Variants in TRAPPC9 observed in about 807,000 individuals in gnomAD.
TRAPPC9 encodes trafficking protein particle complex subunit 9, also known as IKK2 binding protein.
A neutral mutation model predicts 124.0 loss-of-function variants in TRAPPC9; 83 were observed. The ratio of observed to expected loss-of-function variants is 0.67; its 90% CI spans 0.56 to 0.80. The LOEUF is 0.80. TRAPPC9 is among the 30% of genes least tolerant of loss of function. The pLI is 0.00. For missense variants in TRAPPC9, 1,302 were observed against 1,508.3 expected (o/e 0.86, Z 2.27); for synonymous variants, 638 against 617.5 (o/e 1.03, Z -0.49).
chr8:140,221,888 G>T (rs1587956759), intron 16 of TRAPPC9, among the ~76,000 whole-genome samples: 1 of 152,142 alleles, frequency 6.6e-6, no homozygotes, highest in African/African-American at 2.4e-5. Context: ...AGGGGATTTT[G>T]TTCAAAAACT....
chr8:139,974,770 G>A (rs1362692313), intron 19 of TRAPPC9, among the ~76,000 whole-genome samples: 1 of 152,056 alleles, frequency 6.6e-6, no homozygotes, highest in Non-Finnish European at 1.5e-5. Flanking sequence ...TTTTACAGAC[G>A]TGGACGCGAG....
intron 17 of TRAPPC9, among the ~76,000 whole-genome samples, chr8:140,131,683 C>G (rs1345361514): frequency 6.6e-6 from 1 of 152,230 alleles, no homozygotes; most frequent in Non-Finnish European, 1.5e-5. Flanking sequence ...AAGACCTGTT[C>G]TTTCACAAAG....
At chr8:139,879,638 T>TCTCCCCAGGCC (rs1829558425) in intron 21 of TRAPPC9, among the ~76,000 whole-genome samples, 1 of 152,020 alleles carries the variant, frequency 6.6e-6, no homozygotes, top group South Asian at 2.1e-4. Flanking sequence ...CCCCGCAGGC[T>TCTCCCCAGGCC]CTCCCCAGGC....
intron 17 of TRAPPC9, among the ~76,000 whole-genome samples, chr8:140,043,372 A>G (rs1841383425): frequency 6.6e-6 from 1 of 152,232 alleles, no homozygotes; most frequent in South Asian, 2.1e-4. Context: ...AAAAAAGCCC[A>G]TTATTCCCAT....
At chr8:140,276,975 C>T (rs193239500) in intron 14 of TRAPPC9, among the ~76,000 whole-genome samples, 6 of 152,200 alleles carry the variant, frequency 3.9e-5, no homozygotes, top group East Asian at 1.9e-4. Flanking sequence ...GTCAACTAAG[C>T]GGACTGTGGA....
chr8:140,335,299 G>A (rs933073342), intron 9 of TRAPPC9, among the ~76,000 whole-genome samples: 8 of 152,202 alleles, frequency 5.3e-5, no homozygotes, highest in Admixed American at 1.3e-4. Context: ...CCAAGTATAG[G>A]TGTTGAGAGT....
chr8:139,874,840 G>A (rs1044676762), intron 21 of TRAPPC9, among the ~76,000 whole-genome samples: 7 of 152,202 alleles, frequency 4.6e-5, no homozygotes, highest in Non-Finnish European at 8.8e-5. Context: ...GTGGAAGATC[G>A]CCCTGAGCGC....
chr8:140,276,569 T>G (rs1302528794), intron 14 of TRAPPC9, among the ~76,000 whole-genome samples: 2 of 152,190 alleles, frequency 1.3e-5, no homozygotes, highest in Non-Finnish European at 2.9e-5. Context: ...TTCTATTGAC[T>G]TTAACTGAAT....
intron 19 of TRAPPC9, among the ~76,000 whole-genome samples, chr8:139,924,450 T>C (rs1832687636): frequency 6.6e-6 from 1 of 152,174 alleles, no homozygotes; most frequent in Admixed American, 6.5e-5. Context: ...CCCAACTCCC[T>C]GGGCCCATGG....
At chr8:140,101,433 TTAAAA>T (rs1410215695) in intron 17 of TRAPPC9, among the ~76,000 whole-genome samples, 1 of 152,024 alleles carries the variant, frequency 6.6e-6, no homozygotes, top group African/African-American at 2.4e-5. Context: ...TGCCTGGCCA[TTAAAA>T]TAAGCATTTT....
At chr8:139,977,475 G>A (rs528638356) in intron 19 of TRAPPC9, among the ~76,000 whole-genome samples, 112 of 151,732 alleles carry the variant, frequency 7.4e-4, no homozygotes, top group African/African-American at 2.6e-3. Context: ...AAAATTAGCC[G>A]GGCGTGGTGG....
chr8:140,013,240 G>A (rs1234919359), intron 18 of TRAPPC9, among the ~76,000 whole-genome samples: 1 of 152,096 alleles, frequency 6.6e-6, no homozygotes. Context: ...CTCGGACCGT[G>A]ACCCCGCCTC....
At chr8:139,796,060 GGAAGAA>G in intron 21 of TRAPPC9, among the ~76,000 whole-genome samples, 1 of 136,496 alleles carries the variant, frequency 7.3e-6, no homozygotes, top group African/African-American at 3.3e-5. Flanking sequence ...AGGAGGAAGA[GGAAGAA>G]GAGGAGGAGG....
chr8:140,224,619 C>T (rs1320098072), intron 16 of TRAPPC9, among the ~76,000 whole-genome samples: 2 of 152,168 alleles, frequency 1.3e-5, no homozygotes, highest in Admixed American at 1.3e-4. Context: ...CCATGTCAGT[C>T]CCTGCAACTG....
chr8:139,946,113 C>A (rs537403788), intron 19 of TRAPPC9, among the ~76,000 whole-genome samples: 1 of 152,160 alleles, frequency 6.6e-6, no homozygotes, highest in Non-Finnish European at 1.5e-5. Flanking sequence ...GGTGGATATG[C>A]GGAATTTTCC....
chr8:139,798,767 T>C (rs546387071), intron 21 of TRAPPC9, among the ~76,000 whole-genome samples: 16 of 152,324 alleles, frequency 1.1e-4, no homozygotes, highest in Admixed American at 7.2e-4. Context: ...TACTCTTGCA[T>C]CAGTTCCTGC....
intron 18 of TRAPPC9, among the ~76,000 whole-genome samples, chr8:140,014,299 T>C (rs1839325164): frequency 1.3e-5 from 2 of 152,102 alleles, no homozygotes; most frequent in African/African-American, 4.8e-5. Context: ...ACAGGGATGG[T>C]CCAGCCTAAT....
chr8:140,404,707 C>T (rs2069410677), intron 6 of TRAPPC9, among the ~76,000 whole-genome samples: 1 of 150,046 alleles, frequency 6.7e-6, no homozygotes, highest in African/African-American at 2.5e-5. Flanking sequence ...TGTGTGCGCA[C>T]ATGTGAGCAT....
At chr8:140,404,906 A>ATGTGTGTGTGTGTG (rs1312577613) in intron 6 of TRAPPC9, among the ~76,000 whole-genome samples, 8 of 59,648 alleles carry the variant, frequency 1.3e-4, no homozygotes, top group Non-Finnish European at 3.2e-4. Context: ...GTGTGTGAGC[A>ATGTGTGTGTGTGTG]TGCGTGTGTG....
Sources: gnomAD v4.1 joint callset for allele counts (sites outside exome capture counted in the v4.1 genomes callset) on GRCh38, gnomAD v4.1.1 for gene constraint, MANE v1.5 for transcripts, NCBI Gene and HGNC (gene_info 2026-07-23, HGNC 2026-07-21) for gene names.